Variants in MFSD6 observed in about 807,000 individuals in gnomAD.
MFSD6 encodes major facilitator superfamily domain-containing protein 6.
In MFSD6, 26 loss-of-function variants were observed where a neutral mutation model predicts 56.3. The ratio of observed to expected loss-of-function variants is 0.46; its 90% CI spans 0.34 to 0.64. The LOEUF is 0.64. Ranked by LOEUF, MFSD6 falls within the 30% of genes least tolerant of loss-of-function variation. The probability of loss-of-function intolerance (pLI) is 0.01; values close to 1 mark genes in which losing one functional copy is unlikely to be tolerated. For synonymous variants in MFSD6, 331 were observed against 366.9 expected (o/e 0.90, Z 1.12); for missense variants, 750 against 986.2 (o/e 0.76, Z 3.21).
At position 190,424,739 on chromosome 2, in the gene MFSD6, T is replaced by C. The variant is rs1212517521; in HGVS notation, c.-54+9326T>C. 6.6e-6 allele frequency among the ~76,000 whole-genome samples: 1 copy of C among 152,222 alleles called. No individual in the cohort carries two copies. Among genetic ancestry groups the C allele is most frequent in the Non-Finnish European group, 1.5e-5 (1 of 68,040 alleles). ...TTTTTGCATCTTTGTTAAAAAACAG[T>C]TGGGCATATTTGGGTGGATTTGTTC... is the stretch of plus-strand genomic sequence containing the variant. On this transcript the variant is annotated intron_variant, in intron 2 of 7. Coordinates refer to ENST00000392328, the MANE Select transcript of MFSD6 (RefSeq NM_017694.4). The surrounding 1 kb of genome is among the most constrained non-coding windows in gnomAD (Gnocchi z 5.9).
chr2:190,447,018 T>C lies in MFSD6; in HGVS notation c.1532+9457T>C, dbSNP rs1182129235. On this transcript the variant is annotated intron_variant, in intron 3 of 7. Coordinates refer to ENST00000392328, the MANE Select transcript of MFSD6 (RefSeq NM_017694.4). This position sits in a 1 kb window ranked among gnomAD's most constrained non-coding sequence, Gnocchi z 4.5. ...CACAAACATTTATCCAGAGAGTTCA[T>C]GTTTAGCACAATCCTAAATGTTTCA... Among the ~76,000 whole-genome samples, 1 of 152,152 alleles carries C rather than the reference T, an allele frequency of 6.6e-6. No homozygotes were observed. The highest frequency in any genetic ancestry group is 1.5e-5 in the Non-Finnish European group (1 of 68,034).
chr2:190,480,168 A>G (rs1688578902), intron 4 of MFSD6, among the ~76,000 whole-genome samples: 1 of 152,226 alleles, frequency 6.6e-6, no homozygotes. Flanking sequence ...GTCTCAAAAC[A>G]ACAACAAACA....
Position 190,488,872 on chromosome 2 carries a change from T to C in MFSD6, c.1792+54T>C. 1.4e-6 allele frequency: 2 copies of C among 1,450,656 alleles called. No individual in the cohort carries two copies. Among genetic ancestry groups the C allele is most frequent in the Admixed American group, 2.4e-5 (1 of 41,462 alleles). 89.9% of individuals were successfully genotyped at this position (1,450,656 alleles called of 1,614,324 possible). On this transcript the variant is annotated intron_variant, in intron 5 of 7. Coordinates refer to ENST00000392328, the MANE Select transcript of MFSD6 (RefSeq NM_017694.4). This position sits in a 1 kb window ranked among gnomAD's most constrained non-coding sequence, Gnocchi z 6.4. ...TTTCTATTATTAAAACATGATTTTTTCCAGCAATACCTCAATAAACAATCC... is the reference window on the plus strand; with the variant it reads ...TTTCTATTATTAAAACATGATTTTTCCCAGCAATACCTCAATAAACAATCC...
In MFSD6 at chr2:190,498,190, G is replaced by A. The variant is rs1689815991; in HGVS notation, c.2172+471G>A. Among the ~76,000 whole-genome samples, 1 of 152,148 alleles carries A rather than the reference G, an allele frequency of 6.6e-6. No individual in the cohort carries two copies. The highest frequency in any genetic ancestry group is 2.4e-5 in the African/African-American group (1 of 41,430). ...GCAGGTGGCCTCACCTGAAAAATAA[G>A]TCTAAAAGTGTGATTTTTCTTGTCC... is the stretch of plus-strand genomic sequence containing the variant. On this transcript the variant is annotated intron_variant, in intron 7 of 7. Coordinates refer to ENST00000392328, the MANE Select transcript of MFSD6 (RefSeq NM_017694.4). This position sits in a 1 kb window ranked among gnomAD's most constrained non-coding sequence, Gnocchi z 5.9.
At position 190,469,746 on chromosome 2, in the gene MFSD6, ATTT is replaced by A. The variant is rs762035978; in HGVS notation, c.1533-5_1533-3del. ...TTTTTTTATTTTATTTTTATTTTTT[ATTT>A]TTTTTTAGGGTTCTGTACATTGGCC... is the stretch of plus-strand genomic sequence containing the variant. On this transcript the variant is annotated splice_polypyrimidine_tract_variant and intron_variant, in intron 3 of 7. Coordinates refer to ENST00000392328, the MANE Select transcript of MFSD6 (RefSeq NM_017694.4). This position sits in a 1 kb window ranked among gnomAD's most constrained non-coding sequence, Gnocchi z 5.3. The A allele has an allele frequency of 2.9e-6, 4 of 1,364,862 alleles. No individual in the cohort carries two copies. The African/African-American group carries it at 6.0e-5, about 20-fold the overall frequency. The allele number at this position is 1,364,862 out of a possible 1,614,324, so 84.5% of individuals were successfully genotyped here.
intron 3 of MFSD6, among the ~76,000 whole-genome samples, chr2:190,460,804 C>A (rs558704668): frequency 6.6e-6 from 1 of 152,066 alleles, no homozygotes; most frequent in East Asian, 1.9e-4. Flanking sequence ...GTCATCCCTG[C>A]GAGTGGGAGG....
At chr2:190,427,413 G>A (rs1178235513) in intron 2 of MFSD6, among the ~76,000 whole-genome samples, 3 of 152,174 alleles carry the variant, frequency 2.0e-5, no homozygotes, top group Non-Finnish European at 4.4e-5. Context: ...GGCTGCAGTC[G>A]AAGTTATTAT....
chr2:190,431,701 G>A lies in MFSD6; in HGVS notation c.-53-4276G>A, dbSNP rs938587037. On this transcript the variant is annotated intron_variant, in intron 2 of 7. Transcript: ENST00000392328. The surrounding 1 kb of genome is among the most constrained non-coding windows in gnomAD (Gnocchi z 4.4). ...GCATCAGGGAGACCGTGGAAAGAGA[G>A]GGAGAGGGAGACTGTGGGGAGAGGG... Among the ~76,000 whole-genome samples, 1 of 152,138 alleles carries A rather than the reference G, an allele frequency of 6.6e-6. No individual in the cohort carries two copies. The highest frequency in any genetic ancestry group is 1.9e-4 in the East Asian group (1 of 5,190).
Position 190,436,667 on chromosome 2 carries a change from CT to C in MFSD6, c.641del (p.Leu214CysfsTer7). ...AGGCTCAATGTCTCAGACACCGTTA[CT>C]TTGCCAACAGCTCCAAACATGAACA... ...ETRLNVSDTV[T>X]LPTAPNMNSE... On this transcript the variant is annotated frameshift_variant, in exon 3 of 8. Coordinates refer to ENST00000392328, the MANE Select transcript of MFSD6 (RefSeq NM_017694.4). LOFTEE classifies it high-confidence loss of function. The surrounding 1 kb of genome is among the most constrained non-coding windows in gnomAD (Gnocchi z 5.3). The C allele has an allele frequency of 6.2e-7, 1 of 1,614,242 alleles. No homozygotes were observed. The highest frequency in any genetic ancestry group is 8.5e-7 in the Non-Finnish European group (1 of 1,180,050).
intron 4 of MFSD6, among the ~76,000 whole-genome samples, chr2:190,482,018 A>C (rs1688702557): frequency 6.6e-6 from 1 of 151,740 alleles, no homozygotes; most frequent in Non-Finnish European, 1.5e-5. Flanking sequence ...AGGTATGACC[A>C]TGTGGTTAAT....
chr2:190,475,108 A>G (rs1688212792), intron 4 of MFSD6, among the ~76,000 whole-genome samples: 1 of 152,186 alleles, frequency 6.6e-6, no homozygotes, highest in African/African-American at 2.4e-5. Context: ...AGCCAATATC[A>G]TACTGAATGG....
At chr2:190,478,933 G>A (rs1321618889) in intron 4 of MFSD6, among the ~76,000 whole-genome samples, 1 of 152,092 alleles carries the variant, frequency 6.6e-6, no homozygotes, top group East Asian at 1.9e-4. Context: ...TATCTAGAGG[G>A]TAGCTGAAAG....
At position 190,426,794 on chromosome 2, in the gene MFSD6, G is replaced by A. The variant is rs948099744; in HGVS notation, c.-53-9183G>A. On this transcript the variant is annotated intron_variant, in intron 2 of 7. Transcript: ENST00000392328. The surrounding 1 kb of genome is among the most constrained non-coding windows in gnomAD (Gnocchi z 4.7). Reference sequence around the variant, plus strand: ...TTGGTGTGACGAATGATTTTTTATTGAAAGCAAGATGTTTTGGGTATTATT... The same window carrying A: ...TTGGTGTGACGAATGATTTTTTATTAAAAGCAAGATGTTTTGGGTATTATT... Among the ~76,000 whole-genome samples, 2 of 151,946 alleles carry A rather than the reference G, an allele frequency of 1.3e-5. No homozygotes were observed. Among genetic ancestry groups the A allele is most frequent in the African/African-American group, 4.8e-5 (2 of 41,268 alleles).
At position 190,502,068 on chromosome 2, in the gene MFSD6, C is replaced by T. The variant is rs1477834007; in HGVS notation, c.*1850C>T. ...TGACATGTTGAAATAAAAATGAATA[C>T]CATTTTTAAATGTTTCTTAAATGAT... On this transcript the variant is annotated 3_prime_UTR_variant, in exon 8 of 8. Transcript: ENST00000392328. This position sits in a 1 kb window ranked among gnomAD's most constrained non-coding sequence, Gnocchi z 4.4. 1 of 152,498 alleles carries T rather than the reference C, an allele frequency of 6.6e-6. No homozygotes were observed. The highest frequency in any genetic ancestry group is 1.5e-5 in the Non-Finnish European group (1 of 68,016). 9.4% of individuals were successfully genotyped at this position (152,498 alleles called of 1,614,324 possible). A position where few individuals can be genotyped will look rare whatever the true frequency, so the allele number is the denominator to read the frequency against.
In MFSD6 at chr2:190,461,685, C is replaced by T. The variant is rs1460311466; in HGVS notation, c.1533-8073C>T. On this transcript the variant is annotated intron_variant, in intron 3 of 7. Transcript: ENST00000392328. This position sits in a 1 kb window ranked among gnomAD's most constrained non-coding sequence, Gnocchi z 5.5. ...GGGCAAAAGGGGGAAACAGCTCCCTCACACCTCTTTTACCCACTCATGAGG... is the reference window on the plus strand; with the variant it reads ...GGGCAAAAGGGGGAAACAGCTCCCTTACACCTCTTTTACCCACTCATGAGG... 6.6e-6 allele frequency among the ~76,000 whole-genome samples: 1 copy of T among 152,162 alleles called. No homozygotes were observed. Among genetic ancestry groups the T allele is most frequent in the Admixed American group, 6.5e-5 (1 of 15,278 alleles).
chr2:190,476,011 A>G lies in MFSD6; in HGVS notation c.1630+6156A>G, dbSNP rs1210535995. On this transcript the variant is annotated intron_variant, in intron 4 of 7. Transcript: ENST00000392328. ...TGCTGAGAAAACTGGCTAGCCATAT[A>G]TAGAAAGCTGAAACTGGATCCCTTC... 7.9e-5 allele frequency among the ~76,000 whole-genome samples: 12 copies of G among 152,274 alleles called. 1 individual carries two copies. In the South Asian group the frequency reaches 2.3e-3, roughly 29 times the overall value.
rs1300894263 is a variant in MFSD6 at position 190,438,976 on chromosome 2, A to G, written c.1532+1415A>G. 6.6e-6 allele frequency among the ~76,000 whole-genome samples: 1 copy of G among 152,064 alleles called. No individual in the cohort carries two copies. The highest frequency in any genetic ancestry group is 2.4e-5 in the African/African-American group (1 of 41,404). ...GATCTTCGATCCCTTTGTTGTCACC[A>G]CCAAAGTCAGGGACTGTGTGGATAT... On this transcript the variant is annotated intron_variant, in intron 3 of 7. Coordinates refer to ENST00000392328, the MANE Select transcript of MFSD6 (RefSeq NM_017694.4). The surrounding 1 kb of genome is among the most constrained non-coding windows in gnomAD (Gnocchi z 5.2).
intron 4 of MFSD6, among the ~76,000 whole-genome samples, chr2:190,486,661 G>C (rs1032738121): frequency 3.3e-5 from 5 of 152,166 alleles, no homozygotes; most frequent in African/African-American, 4.8e-5. Context: ...AATAAATTTA[G>C]TCCCTGTTAT....
At chr2:190,460,511 A>C (rs939098590) in intron 3 of MFSD6, among the ~76,000 whole-genome samples, 7 of 152,218 alleles carry the variant, frequency 4.6e-5, no homozygotes, top group Admixed American at 4.6e-4. Flanking sequence ...TGAAGTATTC[A>C]TATTTTCTCT....
Sources: allele counts gnomAD v4.1 joint callset (sites outside exome capture counted in the v4.1 genomes callset), GRCh38; gene constraint gnomAD v4.1.1; non-coding constraint Gnocchi (gnomAD v3.1); transcripts MANE v1.5; gene names NCBI Gene and HGNC (gene_info 2026-07-23, HGNC 2026-07-21).